PRKN: variants seen among roughly 807,000 people sequenced by gnomAD.
PRKN encodes E3 ubiquitin-protein ligase parkin.
In PRKN, 56 loss-of-function variants were observed where a neutral mutation model predicts 59.5. The observed-to-expected ratio is 0.94, with a 90% CI of 0.76 to 1.18. The LOEUF is 1.18. Ranked by LOEUF, PRKN falls within the 50% of genes most tolerant of loss-of-function variation. The pLI is 0.00. For missense variants in PRKN, 657 were observed against 596.4 expected, an observed-to-expected ratio of 1.10 and a Z score of -1.06; for synonymous variants, 250 against 222.1, an observed-to-expected ratio of 1.13 and a Z score of -1.12.
intron 4 of PRKN, among the ~76,000 whole-genome samples, chr6:162,159,767 A>G (rs1782677733): frequency 6.6e-6 from 1 of 152,236 alleles, no homozygotes; most frequent in African/African-American, 2.4e-5. Flanking sequence ...GAAGAGATCA[A>G]TGGAACAGGA....
intron 3 of PRKN, among the ~76,000 whole-genome samples, chr6:162,249,129 T>C (rs1554290725): frequency 6.6e-6 from 1 of 152,260 alleles, no homozygotes; most frequent in East Asian, 1.9e-4. Context: ...CAGCCCGCCT[T>C]GGCCTCCCAA....
At chr6:162,069,878 T>C (rs1165422351) in intron 4 of PRKN, among the ~76,000 whole-genome samples, 1 of 152,218 alleles carries the variant, frequency 6.6e-6, no homozygotes, top group Non-Finnish European at 1.5e-5. Context: ...ATCCCTCATT[T>C]GAAAAAACTT....
intron 7 of PRKN, among the ~76,000 whole-genome samples, chr6:161,694,369 C>T (rs1785927947): frequency 6.6e-6 from 1 of 151,978 alleles, no homozygotes; most frequent in Non-Finnish European, 1.5e-5. Context: ...ATAATGTTGT[C>T]CTTTTAAATT....
intron 2 of PRKN, among the ~76,000 whole-genome samples, chr6:162,404,189 G>A (rs1002458930): frequency 6.6e-6 from 1 of 151,740 alleles, no homozygotes; most frequent in Non-Finnish European, 1.5e-5. Flanking sequence ...GACCAACCTG[G>A]TGAAACCCCC....
At chr6:161,992,169 T>C (rs976008060) in intron 5 of PRKN, among the ~76,000 whole-genome samples, 4 of 151,998 alleles carry the variant, frequency 2.6e-5, no homozygotes, top group African/African-American at 9.7e-5. Context: ...TGAAACCCCA[T>C]CTCTACTAAA....
At chr6:162,130,410 A>T (rs1356040202) in intron 4 of PRKN, among the ~76,000 whole-genome samples, 7 of 152,106 alleles carry the variant, frequency 4.6e-5, no homozygotes, top group Admixed American at 4.6e-4. Context: ...ACACACGGAC[A>T]CGTAATTTTG....
intron 3 of PRKN, among the ~76,000 whole-genome samples, chr6:162,222,838 CT>C (rs574994617): frequency 7.9e-5 from 12 of 151,640 alleles, no homozygotes; most frequent in African/African-American, 2.7e-4. Flanking sequence ...TGTTAGTTTT[CT>C]TTTTTTTAAT....
intron 2 of PRKN, among the ~76,000 whole-genome samples, chr6:162,414,726 A>AAAAAAAAAAAAGGT (rs34838356): frequency 0.048 from 4,417 of 91,110 alleles, 245 homozygotes; most frequent in South Asian, 0.087. Flanking sequence ...AAAAAAAAAA[A>AAAAAAAAAAAAGGT]AGTGAATCTT....
chr6:161,590,750 A>T lies in PRKN; in HGVS notation c.872-21334T>A, dbSNP rs968073233. Among the ~76,000 whole-genome samples, 104 of 152,036 alleles carry T rather than the reference A, an allele frequency of 6.8e-4. 1 individual carries two copies. The highest frequency in any genetic ancestry group is 3.9e-4 in the East Asian group (2 of 5,150). ...GACTCTGTCTCAAAAAAAAAAAAAA[A>T]ATTGCATAACTTGAGTCTAAACAGG... On this transcript the variant is annotated intron_variant, in intron 7 of 11. Coordinates refer to ENST00000366898, the MANE Select transcript of PRKN (RefSeq NM_004562.3).
At chr6:162,051,226 A>G (rs1184172224) in intron 5 of PRKN, among the ~76,000 whole-genome samples, 3 of 152,118 alleles carry the variant, frequency 2.0e-5, no homozygotes, top group African/African-American at 7.2e-5. Flanking sequence ...AGGCTGAGAA[A>G]GTTCCCACTC....
chr6:161,511,462 G>C (rs1778389474), intron 9 of PRKN, among the ~76,000 whole-genome samples: 1 of 152,148 alleles, frequency 6.6e-6, no homozygotes, highest in Non-Finnish European at 1.5e-5. Flanking sequence ...GACTCCTGGG[G>C]AATTGGCAAT....
intron 1 of PRKN, among the ~76,000 whole-genome samples, chr6:162,618,683 T>C (rs1047577909): frequency 1.3e-5 from 2 of 152,202 alleles, no homozygotes; most frequent in African/African-American, 4.8e-5. Context: ...AAGGCCATAA[T>C]GTTCTTCTGT....
intron 1 of PRKN, among the ~76,000 whole-genome samples, chr6:162,621,654 A>G (rs186205785): frequency 4.3e-4 from 65 of 152,274 alleles, no homozygotes; most frequent in African/African-American, 1.5e-3. Flanking sequence ...AGCTTATAAA[A>G]TGTTGTCATG....
chr6:161,823,123 G>A (rs1261440104), intron 6 of PRKN, among the ~76,000 whole-genome samples: 1 of 146,810 alleles, frequency 6.8e-6, no homozygotes, highest in Non-Finnish European at 1.5e-5. Context: ...TTTTTTTAGA[G>A]ATGGGGTCTT....
intron 1 of PRKN, among the ~76,000 whole-genome samples, chr6:162,557,847 A>G (rs564201115): frequency 1.3e-5 from 2 of 152,262 alleles, no homozygotes; most frequent in Admixed American, 6.5e-5. Flanking sequence ...CCTTGACAAT[A>G]TAGGGCTTCT....
At chr6:162,629,366 C>G (rs1050473886) in intron 1 of PRKN, among the ~76,000 whole-genome samples, 2 of 152,060 alleles carry the variant, frequency 1.3e-5, no homozygotes, top group African/African-American at 4.8e-5. Flanking sequence ...CAAATCACTA[C>G]ACAGGTTTTA....
At position 161,350,196 on chromosome 6, in the gene PRKN, A is replaced by T. The variant is rs1582953433; in HGVS notation, c.1301T>A (p.Met434Lys). The change falls in exon 12 of 12, where the codon ATG becomes AAG. Residue 434 changes from methionine (M) to lysine (K), a missense_variant. Coordinates refer to ENST00000366898, the MANE Select transcript of PRKN (RefSeq NM_004562.3). ...PVEKNGGCMH[M>K]KCPQPQCRLE... ...CCTGCACTGGGGCTGCGGACACTTC[A>T]TGTGCATGCAGCCTCCTGTTGGGGG... 1 of 1,613,222 alleles carries T rather than the reference A, an allele frequency of 6.2e-7. No homozygotes were observed. The highest frequency in any genetic ancestry group is 2.2e-5 in the East Asian group (1 of 44,864).
At position 161,870,680 on chromosome 6, in the gene PRKN, G is replaced by C. The variant is rs1794306593; in HGVS notation, c.735-84772C>G. On this transcript the variant is annotated intron_variant, in intron 6 of 11. Transcript: ENST00000366898. ...CTATTTAAAAATCCTGCTGGCCTGT[G>C]AAGGAAAGGCAATACGAGAGAAATG... Among the ~76,000 whole-genome samples the C allele has an allele frequency of 2.6e-5, 4 of 152,242 alleles. No individual in the cohort carries two copies. In the South Asian group the frequency reaches 8.3e-4, roughly 32 times the overall value.
chr6:162,374,278 T>C (rs1422260980), intron 2 of PRKN, among the ~76,000 whole-genome samples: 1 of 152,172 alleles, frequency 6.6e-6, no homozygotes, highest in Non-Finnish European at 1.5e-5. Flanking sequence ...ATAGTGGGTT[T>C]TGTAAAGTGA....
Sources: gnomAD v4.1 joint callset for allele counts (sites outside exome capture counted in the v4.1 genomes callset) on GRCh38, gnomAD v4.1.1 for gene constraint, MANE v1.5 for transcripts, NCBI Gene and HGNC (gene_info 2026-07-23, HGNC 2026-07-21) for gene names.